KCNH1: variants seen among roughly 807,000 people sequenced by gnomAD.
KCNH1 encodes the protein voltage-gated delayed rectifier potassium channel KCNH1.
KCNH1 carries 27 observed loss-of-function variants against 69.2 expected under a neutral mutation model. That is an observed-to-expected ratio of 0.39 (90% CI 0.29 to 0.54). The LOEUF (loss-of-function observed/expected upper bound fraction) is 0.54. KCNH1 is among the 20% of genes least tolerant of loss of function. KCNH1 has a pLI of 0.68. For synonymous variants in KCNH1, 456 were observed against 487.7 expected, an observed-to-expected ratio of 0.93 and a Z score of 0.86; for missense variants, 798 against 1,261.6, an observed-to-expected ratio of 0.63 and a Z score of 5.57.
At chr1:210,947,854 T>C (rs1687988336) in intron 6 of KCNH1, among the ~76,000 whole-genome samples, 1 of 152,176 alleles carries the variant, frequency 6.6e-6, no homozygotes, top group South Asian at 2.1e-4. Context: ...ACTTAATCAC[T>C]ATGAAAGTTC....
chr1:210,824,895 T>C (rs374014769), intron 7 of KCNH1, among the ~76,000 whole-genome samples: 2 of 152,224 alleles, frequency 1.3e-5, no homozygotes, highest in Non-Finnish European at 2.9e-5. Context: ...TATAGATTTG[T>C]TGACTTTTAC....
chr1:211,092,120 T>C (rs1691063554), intron 3 of KCNH1, among the ~76,000 whole-genome samples: 1 of 152,258 alleles, frequency 6.6e-6, no homozygotes, highest in Non-Finnish European at 1.5e-5. Context: ...GTTTCCTATG[T>C]AGCCAGCACT....
intron 5 of KCNH1, among the ~76,000 whole-genome samples, chr1:211,070,193 C>A (rs1261476848): frequency 6.6e-6 from 1 of 151,888 alleles, no homozygotes; most frequent in African/African-American, 2.4e-5. Context: ...CCGAGGCTGG[C>A]AGATCACGAG....
intron 3 of KCNH1, among the ~76,000 whole-genome samples, chr1:211,100,971 A>G (rs999908051): frequency 6.6e-6 from 1 of 152,144 alleles, no homozygotes; most frequent in Non-Finnish European, 1.5e-5. Context: ...TGAACTCTCA[A>G]TGCTCTCTCT....
chr1:210,719,721 AT>A lies in KCNH1; in HGVS notation c.2113-35584del, dbSNP rs1432614762. 1.9e-4 allele frequency among the ~76,000 whole-genome samples: 29 copies of A among 152,332 alleles called. No homozygotes were observed. The South Asian group carries it at 3.5e-3, about 19-fold the overall frequency. On this transcript the variant is annotated intron_variant, in intron 10 of 10. Coordinates refer to ENST00000271751, the MANE Select transcript of KCNH1 (RefSeq NM_172362.3). ...GAACTTAAAGTAAAATAAAAAAAAAATAAGATCATTTTTCTTGCATAACTCA... is the reference window on the plus strand; with the variant it reads ...GAACTTAAAGTAAAATAAAAAAAAAAAAGATCATTTTTCTTGCATAACTCA...
chr1:210,780,907 C>A (rs948324456), intron 9 of KCNH1, among the ~76,000 whole-genome samples: 2 of 152,050 alleles, frequency 1.3e-5, no homozygotes, highest in African/African-American at 4.8e-5. Flanking sequence ...ATTAGCCGGG[C>A]GTGGTGGCAG....
intron 7 of KCNH1, among the ~76,000 whole-genome samples, chr1:210,876,289 A>G (rs1686371430): frequency 6.6e-6 from 1 of 152,196 alleles, no homozygotes; most frequent in African/African-American, 2.4e-5. Context: ...AGATCAAAGA[A>G]CCCTGGAAAC....
intron 6 of KCNH1, among the ~76,000 whole-genome samples, chr1:210,970,399 G>C (rs1688491920): frequency 1.3e-5 from 2 of 151,706 alleles, no homozygotes; most frequent in Non-Finnish European, 2.9e-5. Flanking sequence ...TCCCATTCCT[G>C]TGTGGTTTCC....
Position 211,134,084 on chromosome 1 carries a change from C to A in KCNH1, c.-139G>T. The A allele has an allele frequency of 1.5e-6, 1 of 654,152 alleles. No individual in the cohort carries two copies. Among genetic ancestry groups the A allele is most frequent in the Admixed American group, 3.0e-5 (1 of 33,388 alleles). The allele number at this position is 654,152 out of a possible 1,614,324, so 40.5% of individuals were successfully genotyped here. ...GGGGATCCGCAGGCAGGGCTGGCGG[C>A]TCCCTCTGGCTGCTACCCTCGCGCC... On this transcript the variant is annotated 5_prime_UTR_variant, in exon 1 of 11. Coordinates refer to ENST00000271751, the MANE Select transcript of KCNH1 (RefSeq NM_172362.3). The surrounding 1 kb of genome is among the most constrained non-coding windows in gnomAD (Gnocchi z 5.7).
intron 6 of KCNH1, among the ~76,000 whole-genome samples, chr1:210,970,134 CATGTGCAGA>C (rs1286993731): frequency 6.6e-6 from 1 of 151,640 alleles, no homozygotes; most frequent in African/African-American, 2.4e-5. Flanking sequence ...TTCCAGGATA[CATGTGCAGA>C]ATGTGCAGGT....
intron 7 of KCNH1, chr1:210,859,860 T>C (rs1481170468): frequency 2.6e-6 from 3 of 1,173,310 alleles, no homozygotes; most frequent in African/African-American, 1.5e-5. Flanking sequence ...TTCAACATTA[T>C]TAGGGAAGTG....
At chr1:211,014,329 C>A (rs902723740) in intron 6 of KCNH1, among the ~76,000 whole-genome samples, 3 of 152,212 alleles carry the variant, frequency 2.0e-5, no homozygotes, top group African/African-American at 4.8e-5. Flanking sequence ...CCGTTCTAAG[C>A]TTTAGTTCGC....
rs140992742 is a variant in KCNH1 at position 210,804,386 on chromosome 1, G to A, written c.1463-220C>T. ...TTACCACCAAGCTACTAGGAGAAAC[G>A]TGTGGGAGACAGGGCTAGGGTGCAT... is the stretch of plus-strand genomic sequence containing the variant. On this transcript the variant is annotated intron_variant, in intron 7 of 10. Transcript: ENST00000271751. Among the ~76,000 whole-genome samples, 228 of 152,350 alleles carry A rather than the reference G, an allele frequency of 1.5e-3. 4 individuals are homozygous for A. The East Asian group carries it at 0.031, about 21-fold the overall frequency.
intron 7 of KCNH1, among the ~76,000 whole-genome samples, chr1:210,837,115 C>T (rs1371400388): frequency 6.6e-6 from 1 of 152,178 alleles, no homozygotes; most frequent in African/African-American, 2.4e-5. Context: ...TCAAAGGCTC[C>T]ATGCTCTCAA....
chr1:210,973,546 T>A (rs1688550789), intron 6 of KCNH1, among the ~76,000 whole-genome samples: 1 of 152,184 alleles, frequency 6.6e-6, no homozygotes, highest in Admixed American at 6.5e-5. Context: ...GAGTCACATT[T>A]ATTTTGTGGC....
chr1:210,911,889 C>T (rs777963946), intron 7 of KCNH1, among the ~76,000 whole-genome samples: 6 of 152,118 alleles, frequency 3.9e-5, no homozygotes, highest in African/African-American at 9.7e-5. Context: ...CCTGCAATCT[C>T]TCCACTGCCC....
intron 10 of KCNH1, among the ~76,000 whole-genome samples, chr1:210,726,479 T>A (rs1391377914): frequency 6.6e-6 from 1 of 152,174 alleles, no homozygotes; most frequent in Non-Finnish European, 1.5e-5. Flanking sequence ...TAGCAAATCA[T>A]CTCAGGGAGG....
At position 210,902,168 on chromosome 1, in the gene KCNH1, G is replaced by A. The variant is rs565207790; in HGVS notation, c.1462+17472C>T. ...ACCCGCCCCTACCCGCAACCTTCCC[G>A]CCAGGAGCAGGTGGTTCCCAACTCT... is the stretch of plus-strand genomic sequence containing the variant. On this transcript the variant is annotated intron_variant, in intron 7 of 10. Coordinates refer to ENST00000271751, the MANE Select transcript of KCNH1 (RefSeq NM_172362.3). Among the ~76,000 whole-genome samples the A allele has an allele frequency of 2.4e-4, 37 of 152,290 alleles. No individual in the cohort carries two copies. The East Asian group carries it at 5.8e-3, about 24-fold the overall frequency.
intron 6 of KCNH1, among the ~76,000 whole-genome samples, chr1:210,930,302 T>C (rs1451180375): frequency 6.6e-6 from 1 of 152,166 alleles, no homozygotes; most frequent in East Asian, 1.9e-4. Context: ...AAGGCCATCG[T>C]CACCAAAACA....
Sources: allele counts gnomAD v4.1 joint callset (sites outside exome capture counted in the v4.1 genomes callset), GRCh38; gene constraint gnomAD v4.1.1; non-coding constraint Gnocchi (gnomAD v3.1); transcripts MANE v1.5; gene names NCBI Gene and HGNC (gene_info 2026-07-23, HGNC 2026-07-21).